USP34: variants seen among roughly 807,000 people sequenced by gnomAD.
USP34 encodes ubiquitin specific peptidase 34, also known as ubiquitin carboxyl-terminal hydrolase 34.
A neutral mutation model predicts 460.3 loss-of-function variants in USP34; 70 were observed. The observed-to-expected ratio is 0.15, with a 90% CI of 0.13 to 0.19. The LOEUF (loss-of-function observed/expected upper bound fraction) is 0.19. Ranked by LOEUF, USP34 falls within the 10% of genes least tolerant of loss-of-function variation. The probability of loss-of-function intolerance (pLI) is 1.00; values close to 1 mark genes in which losing one functional copy is unlikely to be tolerated. For synonymous variants in USP34, 1,647 were observed against 1,405.3 expected, an observed-to-expected ratio of 1.17 and a Z score of -3.85; for missense variants, 3,985 against 4,236.2, an observed-to-expected ratio of 0.94 and a Z score of 1.65.
chr2:61,343,878 T>C lies in USP34; in HGVS notation c.2437A>G (p.Thr813Ala). 2 of 1,614,020 alleles carry C rather than the reference T, an allele frequency of 1.2e-6. No individual in the cohort carries two copies. Among genetic ancestry groups the C allele is most frequent in the Non-Finnish European group, 1.7e-6 (2 of 1,179,948 alleles). The change falls in exon 16 of 80, where the codon ACA becomes GCA. Residue 813 changes from threonine (T) to alanine (A), a missense_variant. Coordinates refer to ENST00000398571, the MANE Select transcript of USP34 (RefSeq NM_014709.4). ...LVQINSHAEL[T>A]SHLQQHLPNL... ...GGAAGATGTTGTTGGAGGTGAGATG[T>C]CAGTTCCGCATGTGAATTAATCTGA... is the stretch of plus-strand genomic sequence containing the variant.
chr2:61,450,571 G>A (rs975763680), intron 1 of USP34, among the ~76,000 whole-genome samples: 4 of 151,988 alleles, frequency 2.6e-5, no homozygotes, highest in Admixed American at 1.3e-4. Flanking sequence ...AGACCAGCCC[G>A]GCCAACATGG....
intron 6 of USP34, among the ~76,000 whole-genome samples, chr2:61,382,257 T>C (rs561454342): frequency 2.0e-5 from 3 of 152,308 alleles, no homozygotes; most frequent in African/African-American, 7.2e-5. Context: ...TTGAAAAAAT[T>C]AAATCCATAC....
At chr2:61,459,170 G>C (rs973193884) in intron 1 of USP34, among the ~76,000 whole-genome samples, 3 of 151,942 alleles carry the variant, frequency 2.0e-5, no homozygotes, top group Non-Finnish European at 4.4e-5. Flanking sequence ...CCACAGTCAG[G>C]GTCCTCTTAA....
intron 34 of USP34, 99 bp from the exon 35 acceptor site, chr2:61,285,056 A>G: frequency 1.2e-6 from 1 of 867,772 alleles, no homozygotes; most frequent in South Asian, 2.1e-5. Context: ...GTGTATTACA[A>G]AATTTTAACC....
chr2:61,341,698 C>G (rs537897413), intron 16 of USP34, among the ~76,000 whole-genome samples: 1 of 150,536 alleles, frequency 6.6e-6, no homozygotes, highest in South Asian at 2.1e-4. Flanking sequence ...ACAACCTGCA[C>G]AACTGTGAGC....
intron 1 of USP34, among the ~76,000 whole-genome samples, chr2:61,428,235 T>C (rs1694567521): frequency 6.9e-6 from 1 of 144,118 alleles, no homozygotes; most frequent in African/African-American, 2.6e-5. Flanking sequence ...GAGTTTCTAA[T>C]GATTCTCAAA....
chr2:61,418,969 A>G (rs969674021), intron 2 of USP34, among the ~76,000 whole-genome samples: 1 of 152,184 alleles, frequency 6.6e-6, no homozygotes, highest in Non-Finnish European at 1.5e-5. Context: ...AATTTTAACA[A>G]TTTTAATTAA....
intron 10 of USP34, among the ~76,000 whole-genome samples, chr2:61,369,114 A>T (rs1372361546): frequency 6.6e-6 from 1 of 152,240 alleles, no homozygotes; most frequent in Non-Finnish European, 1.5e-5. Flanking sequence ...AATACCAATG[A>T]TATCACTTTT....
chr2:61,385,967 A>T (rs1365020303), intron 5 of USP34, among the ~76,000 whole-genome samples: 1 of 148,266 alleles, frequency 6.7e-6, no homozygotes, highest in Non-Finnish European at 1.5e-5. Flanking sequence ...ACTGCACTCC[A>T]GCCTAGGTGA....
chr2:61,323,717 C>G (rs1316293939), intron 21 of USP34, among the ~76,000 whole-genome samples: 1 of 152,058 alleles, frequency 6.6e-6, no homozygotes, highest in African/African-American at 2.4e-5. Flanking sequence ...AGAATCTATA[C>G]TGTGTATAAT....
intron 57 of USP34, among the ~76,000 whole-genome samples, chr2:61,232,938 C>T (rs1041959754): frequency 2.7e-4 from 34 of 127,700 alleles, no homozygotes; most frequent in Admixed American, 3.8e-4. Context: ...GGCACGATCT[C>T]GGCTCACTGA....
At chr2:61,293,609 T>C in intron 32 of USP34, 59 bp from the exon 33 acceptor site, 1 of 1,296,872 alleles carries the variant, frequency 7.7e-7, no homozygotes, top group Non-Finnish European at 1.1e-6. Flanking sequence ...GCAATAATGC[T>C]TGTTGATTCA....
intron 10 of USP34, among the ~76,000 whole-genome samples, chr2:61,359,672 A>T (rs1220364339): frequency 1.3e-5 from 2 of 152,142 alleles, no homozygotes; most frequent in African/African-American, 2.4e-5. Context: ...CAAAAAATAA[A>T]GCATCTGACA....
At chr2:61,416,957 T>C in intron 2 of USP34, 1 of 1,271,890 alleles carries the variant, frequency 7.9e-7, no homozygotes, top group South Asian at 1.2e-5. Context: ...CCATCTGGGA[T>C]GAGCCGCTTC....
intron 48 of USP34, among the ~76,000 whole-genome samples, chr2:61,255,327 C>T (rs1256212908): frequency 1.3e-5 from 2 of 152,194 alleles, no homozygotes; most frequent in Non-Finnish European, 2.9e-5. Context: ...CAGTTACTAA[C>T]TCCCAAATCT....
chr2:61,408,483 T>C (rs1693946246), intron 2 of USP34, among the ~76,000 whole-genome samples: 1 of 152,154 alleles, frequency 6.6e-6, no homozygotes, highest in South Asian at 2.1e-4. Context: ...CAAGGCCTCC[T>C]CCAGCTTTAC....
intron 34 of USP34, 89 bp from the exon 35 acceptor site, chr2:61,285,046 G>A: frequency 1.0e-6 from 1 of 984,726 alleles, no homozygotes; most frequent in Non-Finnish European, 1.5e-6. Context: ...CTAAAGAGAT[G>A]TGTATTACAA....
intron 41 of USP34, 85 bp from the exon 42 acceptor site, chr2:61,266,252 C>A: frequency 7.7e-7 from 1 of 1,298,548 alleles, no homozygotes. Context: ...GGATGACAGG[C>A]TACAATTAAG....
intron 75 of USP34, chr2:61,200,094 C>T (rs1369730313): frequency 6.6e-6 from 1 of 152,392 alleles, no homozygotes; most frequent in East Asian, 1.9e-4. Context: ...CTCTGTTGCC[C>T]TGGCTGGAGT....
Sources: gnomAD v4.1 joint callset for allele counts (sites outside exome capture counted in the v4.1 genomes callset) on GRCh38, gnomAD v4.1.1 for gene constraint, MANE v1.5 for transcripts, NCBI Gene and HGNC (gene_info 2026-07-23, HGNC 2026-07-21) for gene names.